Variants in RPA3 observed in about 807,000 individuals in gnomAD.
The protein encoded by RPA3 is replication protein A3.
In RPA3, 24 loss-of-function variants were observed where a neutral mutation model predicts 13.7. The observed-to-expected ratio is 1.75, with a 90% CI of 1.27 to 2.46. RPA3 has a LOEUF of 2.46. Ranked by LOEUF, RPA3 falls within the 30% of genes most tolerant of loss-of-function variation. RPA3 has a pLI of 0.00. For missense variants in RPA3, 183 were observed against 151.0 expected, an observed-to-expected ratio of 1.21 and a Z score of -1.11; for synonymous variants, 59 against 51.2, an observed-to-expected ratio of 1.15 and a Z score of -0.65.
chr7:7,709,337 T>C (rs948744678), intron 2 of RPA3, among the ~76,000 whole-genome samples: 2 of 152,250 alleles, frequency 1.3e-5, no homozygotes, highest in African/African-American at 4.8e-5. Flanking sequence ...GGGTCGTCAT[T>C]AATTCAAGTC....
At chr7:7,662,819 A>T (rs944040905) in intron 4 of RPA3, among the ~76,000 whole-genome samples, 6 of 152,194 alleles carry the variant, frequency 3.9e-5, no homozygotes, top group Non-Finnish European at 8.8e-5. Flanking sequence ...TGAGTGTTAA[A>T]ATGTTGTGGT....
At chr7:7,638,945 C>T (rs1784907349) in intron 6 of RPA3, 125 bp downstream of exon 6, 2 of 586,242 alleles carry the variant, frequency 3.4e-6, no homozygotes, top group Non-Finnish European at 5.7e-6. Flanking sequence ...ATTTTACAGC[C>T]AGGGACGTTT....
chr7:7,642,946 A>C (rs931026112), intron 4 of RPA3, among the ~76,000 whole-genome samples: 1 of 152,180 alleles, frequency 6.6e-6, no homozygotes, highest in Non-Finnish European at 1.5e-5. Context: ...ACAGAAACGT[A>C]TGTATCTTCT....
chr7:7,641,742 T>A (rs1376003650), intron 4 of RPA3: 4 of 152,194 alleles, frequency 2.6e-5, no homozygotes, highest in African/African-American at 9.7e-5. Flanking sequence ...TAATTGGGTA[T>A]TATAACGTTG....
intron 2 of RPA3, among the ~76,000 whole-genome samples, chr7:7,714,188 C>G (rs544018492): frequency 3.9e-5 from 6 of 152,320 alleles, no homozygotes; most frequent in Non-Finnish European, 7.3e-5. Flanking sequence ...ATGGCCTTTT[C>G]TCAAAGAAAA....
In RPA3 at chr7:7,693,201, A is replaced by G. The variant is rs191346622; in HGVS notation, c.-1027-5873T>C. 1.1e-4 allele frequency among the ~76,000 whole-genome samples: 16 copies of G among 152,262 alleles called. No homozygotes were observed. The East Asian group carries it at 2.7e-3, about 26-fold the overall frequency. On this transcript the variant is annotated intron_variant, in intron 2 of 7. Coordinates refer to ENST00000223129, the MANE Select transcript of RPA3 (RefSeq NM_002947.5). Reference sequence around the variant, plus strand: ...TCTAAAAGCAGAAGTACATTTTACTATTACTACTGAAATTGTACTGTGCTT... The same window carrying G: ...TCTAAAAGCAGAAGTACATTTTACTGTTACTACTGAAATTGTACTGTGCTT...
intron 4 of RPA3, among the ~76,000 whole-genome samples, chr7:7,646,333 G>T (rs961507443): frequency 6.6e-6 from 1 of 151,960 alleles, no homozygotes; most frequent in East Asian, 1.9e-4. Context: ...ATCTTGAATT[G>T]TAGCTCCCAT....
chr7:7,670,344 AG>A (rs1352878474), intron 4 of RPA3, among the ~76,000 whole-genome samples: 1 of 152,152 alleles, frequency 6.6e-6, no homozygotes, highest in African/African-American at 2.4e-5. Flanking sequence ...CACTTCGTAA[AG>A]GGTCTCTCTA....
At chr7:7,676,698 G>GT (rs1289325586) in intron 4 of RPA3, among the ~76,000 whole-genome samples, 1 of 151,914 alleles carries the variant, frequency 6.6e-6, no homozygotes, top group African/African-American at 2.4e-5. Flanking sequence ...TAGTTTAAAT[G>GT]TTTTTAAAAT....
chr7:7,673,437 T>C, intron 4 of RPA3: 1 of 918,102 alleles, frequency 1.1e-6, no homozygotes, highest in South Asian at 1.4e-5. Flanking sequence ...CAGAAGCAGA[T>C]GGATTCGTCC....
intron 2 of RPA3, among the ~76,000 whole-genome samples, chr7:7,709,389 A>G (rs1016602237): frequency 1.3e-5 from 2 of 152,246 alleles, no homozygotes; most frequent in Non-Finnish European, 2.9e-5. Context: ...TCTTAAGAAG[A>G]TAAGTCCTGT....
intron 4 of RPA3, among the ~76,000 whole-genome samples, chr7:7,654,079 TTC>T (rs1335539525): frequency 1.3e-5 from 2 of 152,174 alleles, no homozygotes; most frequent in Non-Finnish European, 2.9e-5. Flanking sequence ...AAGCAGTCAT[TTC>T]TTATCACTGC....
At chr7:7,662,456 G>A (rs1041161036) in intron 4 of RPA3, among the ~76,000 whole-genome samples, 2 of 152,206 alleles carry the variant, frequency 1.3e-5, no homozygotes, top group Non-Finnish European at 2.9e-5. Flanking sequence ...AGGCACCGGC[G>A]GGAATCTCCT....
In RPA3 at chr7:7,641,001, G is replaced by A. The variant is rs10251718; in HGVS notation, c.-583C>T. ...TGCCAGTTCTGCGTGGGAGGCGCGG[G>A]AGTTTTGCGGAATGATACGTGGTGT... On this transcript the variant is annotated 5_prime_UTR_variant, in exon 5 of 8. Coordinates refer to ENST00000223129, the MANE Select transcript of RPA3 (RefSeq NM_002947.5). 3 of 153,312 alleles carry A rather than the reference G, an allele frequency of 2.0e-5. No homozygotes were observed. Among genetic ancestry groups the A allele is most frequent in the African/African-American group, 7.3e-5 (3 of 41,354 alleles). 9.5% of individuals were successfully genotyped at this position (153,312 alleles called of 1,614,324 possible). A position where few individuals can be genotyped will look rare whatever the true frequency, so the allele number is the denominator to read the frequency against.
intron 4 of RPA3, among the ~76,000 whole-genome samples, chr7:7,676,687 A>G (rs1294307467): frequency 6.6e-6 from 1 of 152,152 alleles, no homozygotes; most frequent in East Asian, 1.9e-4. Flanking sequence ...TTACTATTTA[A>G]TAGTTTAAAT....
At chr7:7,649,723 A>G (rs1039365746) in intron 4 of RPA3, among the ~76,000 whole-genome samples, 1 of 115,082 alleles carries the variant, frequency 8.7e-6, no homozygotes, top group Non-Finnish European at 1.8e-5. Flanking sequence ...ACCTGCTGCC[A>G]TGGTCCGAAT....
At chr7:7,651,911 C>T (rs1287747127) in intron 4 of RPA3, among the ~76,000 whole-genome samples, 1 of 152,110 alleles carries the variant, frequency 6.6e-6, no homozygotes, top group Non-Finnish European at 1.5e-5. Flanking sequence ...TTTACAGAGT[C>T]CTCCTTGGGC....
In RPA3 at chr7:7,649,158, C is replaced by CA. The variant is rs34943326; in HGVS notation, c.-757-7984dup. Among the ~76,000 whole-genome samples, 1,172 of 128,776 alleles carry CA rather than the reference C, an allele frequency of 9.1e-3. 23 individuals are homozygous for CA. The highest frequency in any genetic ancestry group is 0.028 in the African/African-American group (955 of 34,338). The allele number at this position is 128,776 out of a possible 152,430, so 84.5% of individuals were successfully genotyped here. ...GTGCGACAAGAGCGAGACTCCATCTCAAAAAAAAAAAAAAAAAAAAAGAAA... is the reference window on the plus strand; with the variant it reads ...GTGCGACAAGAGCGAGACTCCATCTCAAAAAAAAAAAAAAAAAAAAAAGAAA... On this transcript the variant is annotated intron_variant, in intron 4 of 7. Coordinates refer to ENST00000223129, the MANE Select transcript of RPA3 (RefSeq NM_002947.5).
chr7:7,643,767 C>G (rs1235427774), intron 4 of RPA3, among the ~76,000 whole-genome samples: 1 of 149,742 alleles, frequency 6.7e-6, no homozygotes, highest in Non-Finnish European at 1.5e-5. Flanking sequence ...AAATCGGACA[C>G]TTGACCTACT....
Sources: gnomAD v4.1 joint callset for allele counts (sites outside exome capture counted in the v4.1 genomes callset) on GRCh38, gnomAD v4.1.1 for gene constraint, MANE v1.5 for transcripts, NCBI Gene and HGNC (gene_info 2026-07-23, HGNC 2026-07-21) for gene names.